CWF19L2: variants seen among roughly 807,000 people sequenced by gnomAD.
CWF19L2 encodes the protein CWF19 like cell cycle control factor 2, also known as CWF19-like protein 2.
A neutral mutation model predicts 111.7 loss-of-function variants in CWF19L2; 98 were observed. The ratio of observed to expected loss-of-function variants is 0.88; its 90% CI spans 0.75 to 1.04. The LOEUF is 1.04. CWF19L2 is among the 50% of genes least tolerant of loss of function. CWF19L2 has a pLI of 0.00. For synonymous variants in CWF19L2, 351 were observed against 342.9 expected, an observed-to-expected ratio of 1.02 and a Z score of -0.26; for missense variants, 1,101 against 1,051.4, an observed-to-expected ratio of 1.05 and a Z score of -0.65.
intron 3 of CWF19L2, 126 bp downstream of exon 3, chr11:107,454,324 G>A (rs1861821758): frequency 1.4e-6 from 1 of 714,246 alleles, no homozygotes; most frequent in East Asian, 3.4e-5. Flanking sequence ...ATGTATCCCA[G>A]ATATTTTCAT....
chr11:107,454,457 C>G lies in CWF19L2; in HGVS notation c.332G>C (p.Ser111Thr). The G allele has an allele frequency of 1.4e-6, 2 of 1,432,348 alleles. No homozygotes were observed. The highest frequency in any genetic ancestry group is 1.8e-6 in the Non-Finnish European group (2 of 1,095,792). The allele number at this position is 1,432,348 out of a possible 1,614,324, so 88.7% of individuals were successfully genotyped here. A position where few individuals can be genotyped will look rare whatever the true frequency, so the allele number is the denominator to read the frequency against. ...ATTTTAGTACATACTTACTGATGAGCTATCAGATGACTCATTGTTTTTTTC... is the reference window on the plus strand; with the variant it reads ...ATTTTAGTACATACTTACTGATGAGGTATCAGATGACTCATTGTTTTTTTC... Reference protein sequence around the residue: ...KYEKNNESSDSSSSSEDEWVE... With the variant: ...KYEKNNESSDTSSSSEDEWVE... Residue 111 changes from serine to threonine, a missense_variant, in exon 3 of 18, where the codon AGC (serine) becomes ACC (threonine). By Grantham distance (58) the Ser-to-Thr change is moderately conservative. Transcript: ENST00000282251.
chr11:107,389,160 T>C (rs1031418308), intron 12 of CWF19L2, among the ~76,000 whole-genome samples: 2 of 152,198 alleles, frequency 1.3e-5, no homozygotes, highest in African/African-American at 4.8e-5. Flanking sequence ...GTGAAAGGTC[T>C]CCCCATCCCT....
Position 107,373,137 on chromosome 11 carries a change from G to C in CWF19L2, c.1872+16937C>G, listed in dbSNP as rs529464578. Among the ~76,000 whole-genome samples, 104 of 44,876 alleles carry C rather than the reference G, an allele frequency of 2.3e-3. 12 individuals carry two copies. The highest frequency in any genetic ancestry group is 0.022 in the African/African-American group (91 of 4,094). 29.4% of individuals were successfully genotyped at this position (44,876 alleles called of 152,430 possible). ...GAGGGTCCTACGCCCACGGAGTCTCGCTGATTGCTACCACAGCAGCTGAGA... is the reference window on the plus strand; with the variant it reads ...GAGGGTCCTACGCCCACGGAGTCTCCCTGATTGCTACCACAGCAGCTGAGA... On this transcript the variant is annotated intron_variant, in intron 12 of 17. Transcript: ENST00000282251.
intron 14 of CWF19L2, among the ~76,000 whole-genome samples, chr11:107,341,777 G>A (rs929646102): frequency 2.6e-5 from 4 of 152,066 alleles, no homozygotes; most frequent in African/African-American, 9.7e-5. Context: ...TTAGTTAAAA[G>A]ATTGTTCAAA....
chr11:107,409,931 T>G (rs764679359), intron 10 of CWF19L2, among the ~76,000 whole-genome samples: 1 of 152,150 alleles, frequency 6.6e-6, no homozygotes, highest in Non-Finnish European at 1.5e-5. Flanking sequence ...TATTACTCTA[T>G]GTACTAGATA....
In CWF19L2 at chr11:107,336,620, T is replaced by A; in HGVS notation, c.2296A>T (p.Met766Leu). The A allele has an allele frequency of 6.2e-7, 1 of 1,607,538 alleles. No homozygotes were observed. The highest frequency in any genetic ancestry group is 8.5e-7 in the Non-Finnish European group (1 of 1,176,766). The change falls in exon 15 of 18, where the codon ATG becomes TTG. Residue 766 changes from methionine (M) to leucine (L), a missense_variant. Transcript: ENST00000282251. ...TNMSMKKQYH[M>L]VYECIPLPKE... Reference sequence around the variant, plus strand: ...GGAAGAGGAATACATTCATAAACCATGTGATACTGTTTCTTCATGCTCATA... The same window carrying A: ...GGAAGAGGAATACATTCATAAACCAAGTGATACTGTTTCTTCATGCTCATA...
intron 1 of CWF19L2, among the ~76,000 whole-genome samples, chr11:107,456,388 C>T (rs2135434141): frequency 6.6e-6 from 1 of 152,190 alleles, no homozygotes; most frequent in Middle Eastern, 3.4e-3. Context: ...AGATTTATCT[C>T]AACTTACGAA....
chr11:107,347,729 A>ATTTGTGTATTTGTGTATT (rs1860100011), intron 14 of CWF19L2, among the ~76,000 whole-genome samples: 1 of 152,158 alleles, frequency 6.6e-6, no homozygotes, highest in Admixed American at 6.5e-5. Flanking sequence ...TACAGCACCT[A>ATTTGTGTATTTGTGTATT]AAATATTATA....
At chr11:107,365,544 C>A (rs1015819832) in intron 12 of CWF19L2, among the ~76,000 whole-genome samples, 2 of 95,586 alleles carry the variant, frequency 2.1e-5, no homozygotes, top group Admixed American at 2.2e-4. Context: ...AAATGTAATC[C>A]AGCATATAAA....
chr11:107,331,948 C>T (rs879387506), intron 16 of CWF19L2, among the ~76,000 whole-genome samples: 3 of 152,314 alleles, frequency 2.0e-5, no homozygotes, highest in East Asian at 1.9e-4. Flanking sequence ...CTTTTTTCTG[C>T]ACTGGCCAGT....
intron 12 of CWF19L2, among the ~76,000 whole-genome samples, chr11:107,359,382 A>G (rs1161958707): frequency 3.3e-5 from 5 of 152,190 alleles, no homozygotes; most frequent in African/African-American, 7.2e-5. Flanking sequence ...TGAAGATGTA[A>G]TTACAAGTAC....
chr11:107,454,445 C>A lies in CWF19L2; in HGVS notation c.339+5G>T. Reference sequence around the variant, plus strand: ...CTGCTTTGATTAATTTTAGTACATACTTACTGATGAGCTATCAGATGACTC... The same window carrying A: ...CTGCTTTGATTAATTTTAGTACATAATTACTGATGAGCTATCAGATGACTC... On this transcript the variant is annotated splice_donor_5th_base_variant and intron_variant, in intron 3 of 17. Coordinates refer to ENST00000282251, the MANE Select transcript of CWF19L2 (RefSeq NM_152434.3). The A allele has an allele frequency of 7.1e-7, 1 of 1,409,022 alleles. No individual in the cohort carries two copies. Among genetic ancestry groups the A allele is most frequent in the Non-Finnish European group, 9.2e-7 (1 of 1,082,050 alleles). The allele number at this position is 1,409,022 out of a possible 1,614,324, so 87.3% of individuals were successfully genotyped here.
At chr11:107,437,419 T>C (rs1031480172) in intron 6 of CWF19L2, among the ~76,000 whole-genome samples, 31 of 152,120 alleles carry the variant, frequency 2.0e-4, no homozygotes, top group African/African-American at 4.8e-4. Flanking sequence ...AATACAGATA[T>C]TGTAATACTT....
At chr11:107,340,163 A>T (rs1207789246) in intron 14 of CWF19L2, among the ~76,000 whole-genome samples, 1 of 152,112 alleles carries the variant, frequency 6.6e-6, no homozygotes, top group Non-Finnish European at 1.5e-5. Flanking sequence ...TCAATTTATC[A>T]ATTTTTGTTT....
intron 7 of CWF19L2, 112 bp downstream of exon 7, chr11:107,433,522 T>C: frequency 2.6e-6 from 1 of 378,836 alleles, no homozygotes; most frequent in Non-Finnish European, 4.8e-6. Flanking sequence ...TTCAGTAGTA[T>C]AAAGACATGA....
chr11:107,420,241 T>C (rs1253683927), intron 8 of CWF19L2, among the ~76,000 whole-genome samples: 1 of 152,084 alleles, frequency 6.6e-6, no homozygotes, highest in Non-Finnish European at 1.5e-5. Context: ...AATTATCAGA[T>C]GGATATAAAA....
chr11:107,352,050 C>G (rs72990443), intron 13 of CWF19L2, among the ~76,000 whole-genome samples: 38,839 of 152,096 alleles, frequency 0.26, 5,384 homozygotes, highest in Non-Finnish European at 0.32. Context: ...AGTCTTTACA[C>G]TCCTGAGGTC....
intron 12 of CWF19L2, among the ~76,000 whole-genome samples, chr11:107,372,668 A>T (rs935947277): frequency 7.3e-6 from 1 of 136,300 alleles, no homozygotes; most frequent in African/African-American, 3.0e-5. Flanking sequence ...GTGAGATAAG[A>T]GTTAAGAAAG....
intron 6 of CWF19L2, among the ~76,000 whole-genome samples, chr11:107,438,212 A>T (rs1861569438): frequency 6.6e-6 from 1 of 152,240 alleles, no homozygotes; most frequent in Non-Finnish European, 1.5e-5. Flanking sequence ...GAACATCACA[A>T]TTTGTAATAC....
Sources: gnomAD v4.1 joint callset for allele counts (sites outside exome capture counted in the v4.1 genomes callset) on GRCh38, gnomAD v4.1.1 for gene constraint, MANE v1.5 for transcripts, NCBI Gene and HGNC (gene_info 2026-07-23, HGNC 2026-07-21) for gene names.